The following ATRX variants were observed in gnomAD, a reference collection of about 807,000 sequenced individuals.
ATRX encodes the protein chromatin remodeler ATRX.
Under a neutral mutation model 172.6 loss-of-function variants are expected in ATRX, and 12 were observed. The ratio of observed to expected loss-of-function variants is 0.07; its 90% CI spans 0.04 to 0.11. The LOEUF (loss-of-function observed/expected upper bound fraction) is 0.11, where lower values mean the gene tolerates loss of function less well. ATRX is among the 10% of genes least tolerant of loss of function. The pLI, the probability that ATRX is intolerant of heterozygous loss-of-function variation, is 1.00. For synonymous variants in ATRX, 674 were observed against 594.7 expected (o/e 1.13, Z -1.94); for missense variants, 1,368 against 1,767.4 (o/e 0.77, Z 4.05).
chrX:77,581,455 A>G (rs782472648), intron 27 of ATRX, among the ~76,000 whole-genome samples: 1 of 112,261 alleles, frequency 8.9e-6, no homozygotes, highest in African/African-American at 3.2e-5. Context: ...TAAAAACTGT[A>G]AGAAGAGACA....
At chrX:77,698,762 T>C in intron 2 of ATRX, 133 bp from the exon 3 acceptor site, 3 of 514,941 alleles carry the variant, frequency 5.8e-6, no homozygotes, top group Non-Finnish European at 1.0e-5. Flanking sequence ...CTACTCACAT[T>C]AAAATATTCC....
rs2148627999 is a variant in ATRX, at chrX:77,684,042, G to C, written c.1214C>G (p.Ala405Gly). ...TAAGTCTTCTTCCAATGCAAGATGA[G>C]CCTTCTTAATATCAGCCAACACAGA... ...FKSVLADIKKAHLALEEDLNS... is the reference protein window; with the variant it reads ...FKSVLADIKKGHLALEEDLNS... Residue 405 changes from alanine (A) to glycine (G), a missense_variant, in exon 9 of 35, where the codon GCT (alanine) becomes GGT (glycine). By Grantham distance (60) the Ala-to-Gly change is moderately conservative. Coordinates refer to ENST00000373344, the MANE Select transcript of ATRX (RefSeq NM_000489.6). The C allele has an allele frequency of 8.3e-7, 1 of 1,206,085 alleles. No homozygotes were observed. The highest frequency in any genetic ancestry group is 1.1e-6 in the Non-Finnish European group (1 of 890,294).
rs2147649397 is a variant in ATRX, at chrX:77,508,498, C to T, written c.7332G>A (p.Leu2444=). 1 of 1,211,559 alleles carries T rather than the reference C, an allele frequency of 8.3e-7. No homozygotes were observed. The highest frequency in any genetic ancestry group is 1.1e-6 in the Non-Finnish European group (1 of 895,509). ...GHLMMPKPPN[L]IMNPSNYQQI... ...GCTGGTAGTTAGAAGGATTCATGAT[C>T]AAATTTGGGGGCTTTGGCATCATGA... is the stretch of plus-strand genomic sequence containing the variant. Residue 2444 remains leucine (L), a synonymous_variant, in exon 35 of 35, where the codon TTG becomes TTA. Coordinates refer to ENST00000373344, the MANE Select transcript of ATRX (RefSeq NM_000489.6).
At chrX:77,740,976 G>T (rs782460072) in intron 1 of ATRX, among the ~76,000 whole-genome samples, 4 of 110,082 alleles carry the variant, frequency 3.6e-5, no homozygotes, top group Admixed American at 2.9e-4. Context: ...ATAAAAGTGA[G>T]AGGCTCACTT....
intron 1 of ATRX, among the ~76,000 whole-genome samples, chrX:77,774,023 G>C (rs2076259917): frequency 9.1e-6 from 1 of 109,813 alleles, no homozygotes; most frequent in Non-Finnish European, 1.9e-5. Flanking sequence ...AGGAGTTCAA[G>C]ACCAGCCTGA....
chrX:77,725,472 C>A lies in ATRX; in HGVS notation c.21-8229G>T, dbSNP rs782199927. 1.2e-4 allele frequency among the ~76,000 whole-genome samples: 13 copies of A among 111,996 alleles called. No homozygotes were observed. In the South Asian group the frequency reaches 4.8e-3, roughly 42 times the overall value. On this transcript the variant is annotated intron_variant, in intron 1 of 34. Coordinates refer to ENST00000373344, the MANE Select transcript of ATRX (RefSeq NM_000489.6). ...CTTACACCTTACACAAAAATTAATT[C>A]AAGATGGATTAAAGACTTAAGCGTC...
At chrX:77,668,336 G>A (rs1040671170) in intron 10 of ATRX, among the ~76,000 whole-genome samples, 2 of 111,371 alleles carry the variant, frequency 1.8e-5, no homozygotes, top group African/African-American at 3.3e-5. Context: ...TGGAGGCCTC[G>A]GCTGGACCCA....
intron 6 of ATRX, among the ~76,000 whole-genome samples, chrX:77,692,846 AGTGTGTGTGTGTGTGTGTGT>A (rs3063059): frequency 4.6e-4 from 38 of 82,102 alleles, no homozygotes; most frequent in African/African-American, 1.6e-3. Flanking sequence ...CCAATATTAG[AGTGTGTGTGTGTGTGTGTGT>A]GTGTGTGTGT....
At chrX:77,735,718 C>T (rs1234863773) in intron 1 of ATRX, among the ~76,000 whole-genome samples, 52 of 96,998 alleles carry the variant, frequency 5.4e-4, no homozygotes, top group African/African-American at 1.8e-3. Context: ...TGGAGAATGG[C>T]GTGAACCCGG....
chrX:77,749,645 A>C (rs895870445), intron 1 of ATRX, among the ~76,000 whole-genome samples: 3 of 111,552 alleles, frequency 2.7e-5, no homozygotes, highest in Non-Finnish European at 5.6e-5. Flanking sequence ...CAGTAATCCC[A>C]CTTTGTCCAT....
rs782423737 is a variant in ATRX at position 77,706,825 on chromosome X, G to A, written c.134-8196C>T. Among the ~76,000 whole-genome samples, 8 of 111,274 alleles carry A rather than the reference G, an allele frequency of 7.2e-5. No homozygotes were observed. In the South Asian group the frequency reaches 3.1e-3, roughly 43 times the overall value. On this transcript the variant is annotated intron_variant, in intron 2 of 34. Transcript: ENST00000373344. ...GGAGGCTGAGATGGAAGGATTGCTT[G>A]TACCCAGGAGTTCAAGGCTGCAGTG... is the stretch of plus-strand genomic sequence containing the variant.
chrX:77,508,843 A>T (rs1439375020), intron 34 of ATRX, among the ~76,000 whole-genome samples: 4 of 112,418 alleles, frequency 3.6e-5, no homozygotes, highest in African/African-American at 1.3e-4. Context: ...TAATGTCTTG[A>T]CTATTATATT....
intron 8 of ATRX, 120 bp from the exon 9 acceptor site, chrX:77,684,713 G>A (rs1482816019): frequency 1.5e-5 from 14 of 914,180 alleles, no homozygotes; most frequent in Non-Finnish European, 1.8e-5. Flanking sequence ...TTGTTATAAT[G>A]CAATTTAAAT....
At chrX:77,752,845 G>A (rs2075352060) in intron 1 of ATRX, among the ~76,000 whole-genome samples, 2 of 111,665 alleles carry the variant, frequency 1.8e-5, no homozygotes, top group African/African-American at 3.3e-5. Flanking sequence ...TAAGCTTTTT[G>A]ATGTGCTGCT....
intron 1 of ATRX, among the ~76,000 whole-genome samples, chrX:77,750,284 T>C (rs1475908745): frequency 1.8e-5 from 2 of 111,420 alleles, no homozygotes; most frequent in East Asian, 5.6e-4. Flanking sequence ...CAGGCATCCA[T>C]TGGGGTCTTG....
intron 22 of ATRX, among the ~76,000 whole-genome samples, chrX:77,608,204 C>T (rs1186195101): frequency 2.8e-5 from 3 of 108,860 alleles, no homozygotes; most frequent in African/African-American, 6.7e-5. Flanking sequence ...CCCGCCTCTA[C>T]TAAAAATACG....
chrX:77,523,218 TAACAAA>T, intron 31 of ATRX, 28 bp downstream of exon 31: 2 of 1,206,541 alleles, frequency 1.7e-6, no homozygotes, highest in Non-Finnish European at 2.2e-6. Flanking sequence ...ATCACTAACA[TAACAAA>T]AACAAAAACA....
At chrX:77,714,412 T>C (rs1195727696) in intron 2 of ATRX, among the ~76,000 whole-genome samples, 2 of 111,758 alleles carry the variant, frequency 1.8e-5, no homozygotes, top group African/African-American at 6.5e-5. Flanking sequence ...TTTGTGGTCA[T>C]TTGCAAAAGA....
In ATRX at chrX:77,593,683, G is replaced by A. The variant is rs782317465; in HGVS notation, c.6110+13C>T. 1.7e-6 allele frequency: 2 copies of A among 1,197,119 alleles called. No individual in the cohort carries two copies. The highest frequency in any genetic ancestry group is 2.3e-6 in the Non-Finnish European group (2 of 882,754). On this transcript the variant is annotated intron_variant, in intron 26 of 34. Coordinates refer to ENST00000373344, the MANE Select transcript of ATRX (RefSeq NM_000489.6). ...AAGGTTAATTTATATAATAAATATGGTAAAGCACTTACACTTTATCCCCAA... is the reference window on the plus strand; with the variant it reads ...AAGGTTAATTTATATAATAAATATGATAAAGCACTTACACTTTATCCCCAA...
Sources: allele counts gnomAD v4.1 joint callset (sites outside exome capture counted in the v4.1 genomes callset), GRCh38; gene constraint gnomAD v4.1.1; transcripts MANE v1.5; gene names NCBI Gene and HGNC (gene_info 2026-07-23, HGNC 2026-07-21).